Variants in SRPRB observed in about 807,000 individuals in gnomAD.
SRPRB encodes the protein signal recognition particle receptor subunit beta.
SRPRB carries 20 observed loss-of-function variants against 31.9 expected under a neutral mutation model. The ratio of observed to expected loss-of-function variants is 0.63; its 90% CI spans 0.44 to 0.91. The LOEUF is 0.91. Ranked by LOEUF, SRPRB falls within the 40% of genes least tolerant of loss-of-function variation. SRPRB has a pLI of 0.00. For synonymous variants in SRPRB, 146 were observed against 132.8 expected, an observed-to-expected ratio of 1.10 and a Z score of -0.68; for missense variants, 321 against 324.9, an observed-to-expected ratio of 0.99 and a Z score of 0.09.
chr3:133,824,088 A>G (rs1307186753), downstream of SRPRB, among the ~76,000 whole-genome samples: 1 of 152,182 alleles, frequency 6.6e-6, no homozygotes, highest in Non-Finnish European at 1.5e-5. Flanking sequence ...CTCCACCAGT[A>G]GGAGGAAGAA....
chr3:133,820,935 C>G lies in SRPRB; in HGVS notation c.*1169C>G, dbSNP rs890353332. The G allele has an allele frequency of 1.3e-5, 2 of 152,294 alleles. No homozygotes were observed. Among genetic ancestry groups the G allele is most frequent in the African/African-American group, 4.8e-5 (2 of 41,412 alleles). The allele number at this position is 152,294 out of a possible 1,614,324, so 9.4% of individuals were successfully genotyped here. On this transcript the variant is annotated 3_prime_UTR_variant, in exon 7 of 7. Coordinates refer to ENST00000678299, the MANE Select transcript of SRPRB (RefSeq NM_001379313.1). ...GCCCAACTAAAGCTTACAAGGAGAC[C>G]AGGGTGGCTCTGTCCAGGGGAGAAG...
chr3:133,817,811 G>C (rs1464937), intron 6 of SRPRB, among the ~76,000 whole-genome samples: 52,654 of 151,976 alleles, frequency 0.35, 9,227 homozygotes, highest in Middle Eastern at 0.39. Flanking sequence ...ACTGCAGTTG[G>C]GAGCAGCTGT....
At chr3:133,796,481 A>T (rs1934975465) in intron 1 of SRPRB, 1 of 152,274 alleles carries the variant, frequency 6.6e-6, no homozygotes, top group Admixed American at 6.5e-5. Context: ...TGTCTTCTGT[A>T]TTTACATAGG....
In SRPRB at chr3:133,820,594, AACAAAT is replaced by A. The variant is rs1245158456; in HGVS notation, c.*834_*839del. 6.6e-6 allele frequency: 1 copy of A among 152,182 alleles called. No homozygotes were observed. The highest frequency in any genetic ancestry group is 1.5e-5 in the Non-Finnish European group (1 of 68,024). The allele number at this position is 152,182 out of a possible 1,614,324, so 9.4% of individuals were successfully genotyped here. A position where few individuals can be genotyped will look rare whatever the true frequency, so the allele number is the denominator to read the frequency against. ...TGTACTCCTGGCTAGAATGCTGTGG[AACAAAT>A]ACAAAGTGAAAAAAGTTCTCTGTAG... On this transcript the variant is annotated 3_prime_UTR_variant, in exon 7 of 7. Coordinates refer to ENST00000678299, the MANE Select transcript of SRPRB (RefSeq NM_001379313.1).
chr3:133,803,305 T>C (rs1935089708), upstream of SRPRB, among the ~76,000 whole-genome samples: 1 of 152,238 alleles, frequency 6.6e-6, no homozygotes, highest in South Asian at 2.1e-4. Flanking sequence ...AAACTTCTTA[T>C]TGCATTCTGG....
At chr3:133,812,408 T>C (rs1196909373) in intron 4 of SRPRB, among the ~76,000 whole-genome samples, 1 of 152,266 alleles carries the variant, frequency 6.6e-6, no homozygotes, top group Non-Finnish European at 1.5e-5. Context: ...ATTAAATGTT[T>C]TTTCTTTTTC....
intron 4 of SRPRB, among the ~76,000 whole-genome samples, chr3:133,814,560 T>C (rs1023602967): frequency 1.3e-5 from 2 of 152,158 alleles, no homozygotes; most frequent in Non-Finnish European, 2.9e-5. Flanking sequence ...TGCCTCAGAC[T>C]CTCAAGTAGC....
Position 133,819,692 on chromosome 3 carries a change from G to T in SRPRB, c.742G>T (p.Ala248Ser), listed in dbSNP as rs1177795295. The T allele has an allele frequency of 1.2e-6, 2 of 1,614,044 alleles. No homozygotes were observed. Among genetic ancestry groups the T allele is most frequent in the Admixed American group, 3.3e-5 (2 of 59,988 alleles). ...CAAAGTGGAGTTCCTGGAGTGCAGTGCCAAGGGTGGAAGAGGGGACGTGGG... is the reference window on the plus strand; with the variant it reads ...CAAAGTGGAGTTCCTGGAGTGCAGTTCCAAGGGTGGAAGAGGGGACGTGGG... ...PLKVEFLECS[A>S]KGGRGDVGSA... Residue 248 changes from alanine (A) to serine (S), a missense_variant, in exon 7 of 7, where the codon GCC becomes TCC. Ala to Ser is a moderately conservative substitution (Grantham distance 99, BLOSUM62 1). Transcript: ENST00000678299.
chr3:133,806,112 CAGGAGGG>C, intron 1 of SRPRB, 110 bp downstream of exon 1: 1 of 1,419,710 alleles, frequency 7.0e-7, no homozygotes, highest in Non-Finnish European at 9.4e-7. Flanking sequence ...TTGAGGGCAT[CAGGAGGG>C]TGAGACCCAC....
downstream of SRPRB, chr3:133,824,627 T>TCAAA (rs898089358): frequency 1.3e-5 from 2 of 152,322 alleles, no homozygotes; most frequent in East Asian, 1.9e-4. Flanking sequence ...ATAGTTCATG[T>TCAAA]CAAACAAAAA....
At chr3:133,814,724 C>G (rs574490289) in intron 4 of SRPRB, among the ~76,000 whole-genome samples, 1 of 152,334 alleles carries the variant, frequency 6.6e-6, no homozygotes, top group South Asian at 2.1e-4. Context: ...CAGGCGTGAG[C>G]CACCGCACCC....
chr3:133,798,942 C>T (rs938165480), intron 1 of SRPRB, among the ~76,000 whole-genome samples: 1 of 151,828 alleles, frequency 6.6e-6, no homozygotes, highest in African/African-American at 2.4e-5. Flanking sequence ...ATACTAGAGA[C>T]AGTTACTAGA....
intron 6 of SRPRB, among the ~76,000 whole-genome samples, 181 bp downstream of exon 6, chr3:133,817,113 G>C (rs953927572): frequency 6.6e-6 from 1 of 152,168 alleles, no homozygotes; most frequent in Admixed American, 6.5e-5. Context: ...TTACTAGGGT[G>C]CTTATAGATA....
intron 1 of SRPRB, chr3:133,795,546 T>G (rs545552452): frequency 1.4e-4 from 21 of 150,924 alleles, no homozygotes; most frequent in African/African-American, 5.1e-4. Context: ...CTCACTTAAG[T>G]GAGAACCTGA....
At chr3:133,822,906 T>C (rs139521196), downstream of SRPRB, among the ~76,000 whole-genome samples, 816 of 152,312 alleles carry the variant, frequency 5.4e-3, 2 homozygotes, top group Middle Eastern at 0.01. Context: ...CTCGAGAAAC[T>C]TGACTGCTCA....
chr3:133,786,098 C>T (rs1183396691), intron 1 of SRPRB: 2 of 78,164 alleles, frequency 2.6e-5, no homozygotes, highest in Non-Finnish European at 5.5e-5. Context: ...GGTCCTCTGC[C>T]TAGGAAAACC....
intron 1 of SRPRB, chr3:133,789,415 T>A (rs1011175588): frequency 6.6e-6 from 1 of 152,236 alleles, no homozygotes; most frequent in African/African-American, 2.4e-5. Context: ...AAAATCAAAC[T>A]GCCATGGAAA....
At position 133,819,553 on chromosome 3, in the gene SRPRB, C is replaced by T; in HGVS notation, c.603C>T (p.Leu201=). Residue 201 remains leucine, a splice_region_variant and synonymous_variant, in exon 7 of 7, where the codon CTC becomes CTT. Coordinates refer to ENST00000678299, the MANE Select transcript of SRPRB (RefSeq NM_001379313.1). ...TGACTTCTTTCCTTTTGCCCCACAG[C>T]AACACCTTACGAGTTACCCGTTCTG... ...KLIQQQLEKE[L]NTLRVTRSAA... is the part of the protein sequence containing the mutation. The T allele has an allele frequency of 6.2e-7, 1 of 1,610,662 alleles. No individual in the cohort carries two copies.
At chr3:133,787,463 A>G (rs530212064) in intron 1 of SRPRB, 52 of 152,354 alleles carry the variant, frequency 3.4e-4, no homozygotes, top group African/African-American at 1.1e-3. Context: ...TTACAGTGCT[A>G]TGTACACAGT....
Sources: gnomAD v4.1 joint callset for allele counts (sites outside exome capture counted in the v4.1 genomes callset) on GRCh38, gnomAD v4.1.1 for gene constraint, MANE v1.5 for transcripts, NCBI Gene and HGNC (gene_info 2026-07-23, HGNC 2026-07-21) for gene names.